The following RIMKLB variants were observed in gnomAD, a reference collection of about 807,000 sequenced individuals.
RIMKLB encodes beta-citrylglutamate synthase B.
A neutral mutation model predicts 32.0 loss-of-function variants in RIMKLB; 7 were observed. That is an observed-to-expected ratio of 0.22 (90% CI 0.12 to 0.41). The LOEUF (loss-of-function observed/expected upper bound fraction) is 0.41, where lower values mean the gene tolerates loss of function less well. Ranked by LOEUF, RIMKLB falls within the 10% of genes least tolerant of loss-of-function variation. The probability of loss-of-function intolerance (pLI) is 1.00; values close to 1 mark genes in which losing one functional copy is unlikely to be tolerated. For synonymous variants in RIMKLB, 172 were observed against 185.1 expected, an observed-to-expected ratio of 0.93 and a Z score of 0.57; for missense variants, 289 against 498.7, an observed-to-expected ratio of 0.58 and a Z score of 4.00.
intron 5 of RIMKLB, among the ~76,000 whole-genome samples, chr12:8,771,788 C>A (rs966316882): frequency 6.6e-6 from 1 of 152,160 alleles, no homozygotes; most frequent in African/African-American, 2.4e-5. Flanking sequence ...ATACAGTTTT[C>A]TGGAAAATGT....
chr12:8,780,150 T>TA (rs778925194), downstream of RIMKLB: 13 of 152,216 alleles, frequency 8.5e-5, no homozygotes, highest in Non-Finnish European at 1.9e-4. Context: ...AGAATTACTT[T>TA]AAAAAACTTT....
At chr12:8,710,077 C>G (rs1394636246) in intron 1 of RIMKLB, among the ~76,000 whole-genome samples, 1 of 151,968 alleles carries the variant, frequency 6.6e-6, no homozygotes, top group Non-Finnish European at 1.5e-5. Context: ...GTTTCGACTT[C>G]CCAGATTCAA....
At chr12:8,764,644 C>T (rs755502145) in intron 5 of RIMKLB, among the ~76,000 whole-genome samples, 10 of 152,178 alleles carry the variant, frequency 6.6e-5, no homozygotes, top group African/African-American at 1.9e-4. Context: ...TCTGTGAGGT[C>T]GATGGCATGG....
chr12:8,772,841 G>C (rs1162990442), intron 5 of RIMKLB, among the ~76,000 whole-genome samples: 1 of 152,184 alleles, frequency 6.6e-6, no homozygotes, highest in Non-Finnish European at 1.5e-5. Context: ...CTTATATCCA[G>C]CCAGCTACCT....
At chr12:8,682,723 G>A (rs1942448024) in intron 1 of RIMKLB, among the ~76,000 whole-genome samples, 2 of 149,424 alleles carry the variant, frequency 1.3e-5, no homozygotes, top group South Asian at 4.2e-4. Context: ...AGTGAGCCGA[G>A]ATCGCGCCAC....
chr12:8,687,756 T>G (rs1010451149), intron 1 of RIMKLB, among the ~76,000 whole-genome samples: 6 of 151,582 alleles, frequency 4.0e-5, no homozygotes, highest in African/African-American at 1.5e-4. Flanking sequence ...GCCTACATTA[T>G]TGTGTTCCAG....
At chr12:8,747,994 G>A (rs1331919331) in intron 2 of RIMKLB, among the ~76,000 whole-genome samples, 2 of 152,030 alleles carry the variant, frequency 1.3e-5, no homozygotes, top group African/African-American at 2.4e-5. Context: ...AACCTCAGGT[G>A]ATTCACCCGC....
At chr12:8,697,910 C>A (rs906919044), upstream of RIMKLB, 2 of 148,380 alleles carry the variant, frequency 1.3e-5, no homozygotes, top group East Asian at 2.0e-4. Flanking sequence ...AGCAAGCGGG[C>A]GGGCGGCGTT....
intron 1 of RIMKLB, among the ~76,000 whole-genome samples, chr12:8,708,110 T>G (rs1176718332): frequency 1.3e-5 from 2 of 152,186 alleles, no homozygotes; most frequent in Non-Finnish European, 2.9e-5. Context: ...ACAGATTCCA[T>G]TATGTGTTAC....
chr12:8,696,301 G>A (rs2136609617), upstream of RIMKLB, among the ~76,000 whole-genome samples: 1 of 152,296 alleles, frequency 6.6e-6, no homozygotes, highest in African/African-American at 2.4e-5. Context: ...GTCCCAGGGG[G>A]CTGAATATCA....
At chr12:8,686,883 A>G (rs1942593544) in intron 1 of RIMKLB, among the ~76,000 whole-genome samples, 1 of 152,222 alleles carries the variant, frequency 6.6e-6, no homozygotes, top group Admixed American at 6.5e-5. Flanking sequence ...CACAGGAATT[A>G]TGGAGAAATC....
intron 5 of RIMKLB, among the ~76,000 whole-genome samples, chr12:8,756,572 G>A (rs1949045071): frequency 2.0e-5 from 3 of 151,342 alleles, no homozygotes; most frequent in Admixed American, 6.6e-5. Flanking sequence ...TAAAGAAAAG[G>A]CAATATATTG....
At chr12:8,769,506 A>G (rs1011852237) in intron 5 of RIMKLB, among the ~76,000 whole-genome samples, 1 of 152,084 alleles carries the variant, frequency 6.6e-6, no homozygotes, top group Non-Finnish European at 1.5e-5. Context: ...TTTTTTGTGT[A>G]ATTACTAATA....
intron 5 of RIMKLB, among the ~76,000 whole-genome samples, chr12:8,766,920 A>G (rs1950016452): frequency 1.3e-5 from 2 of 152,256 alleles, no homozygotes; most frequent in Admixed American, 1.3e-4. Context: ...GGTGCTCACA[A>G]TGAGGTTTCC....
intron 2 of RIMKLB, among the ~76,000 whole-genome samples, chr12:8,724,885 C>G (rs954331253): frequency 6.6e-6 from 1 of 152,182 alleles, no homozygotes; most frequent in African/African-American, 2.4e-5. Context: ...ACATCTGTTA[C>G]TTGCTTCATT....
At chr12:8,771,684 C>A (rs774550162) in intron 5 of RIMKLB, among the ~76,000 whole-genome samples, 28 of 151,934 alleles carry the variant, frequency 1.8e-4, no homozygotes, top group Middle Eastern at 3.4e-3. Context: ...TTTAGTGGCG[C>A]TCACATTTTA....
At chr12:8,726,180 T>C (rs1220322505) in intron 2 of RIMKLB, among the ~76,000 whole-genome samples, 1 of 152,218 alleles carries the variant, frequency 6.6e-6, no homozygotes, top group Non-Finnish European at 1.5e-5. Flanking sequence ...CCACCAGCAA[T>C]GAGAGTTCCT....
intron 5 of RIMKLB, among the ~76,000 whole-genome samples, chr12:8,763,201 C>G (rs1341272164): frequency 1.3e-5 from 2 of 152,250 alleles, no homozygotes; most frequent in Non-Finnish European, 2.9e-5. Flanking sequence ...GCCACTACAT[C>G]AGTTTCCTTA....
Position 8,766,352 on chromosome 12 carries a change from T to G in RIMKLB, c.698-6969T>G, listed in dbSNP as rs186317716. Among the ~76,000 whole-genome samples the G allele has an allele frequency of 5.1e-4, 77 of 152,290 alleles. 3 individuals carry two copies. Among genetic ancestry groups the G allele is most frequent in the African/African-American group, 1.8e-3 (74 of 41,572 alleles). The stretch of plus-strand genomic sequence containing the variant: ...GGATTCTAGTGGTCCTTTACCAGCG[T>G]GCCCAACGTTGCCTTTGCACTCAGA... On this transcript the variant is annotated intron_variant, in intron 5 of 5. Coordinates refer to ENST00000535829, the MANE Select transcript of RIMKLB (RefSeq NM_001297776.2).
Sources: allele counts gnomAD v4.1 joint callset (sites outside exome capture counted in the v4.1 genomes callset), GRCh38; gene constraint gnomAD v4.1.1; transcripts MANE v1.5; gene names NCBI Gene and HGNC (gene_info 2026-07-23, HGNC 2026-07-21).